ATM: variants seen among roughly 807,000 people sequenced by gnomAD.
ATM encodes the protein ATM serine/threonine kinase.
A neutral mutation model predicts 387.0 loss-of-function variants in ATM; 308 were observed. That is an observed-to-expected ratio of 0.80 (90% CI 0.73 to 0.87). ATM has a LOEUF of 0.87. ATM is among the 40% of genes least tolerant of loss of function. The probability of loss-of-function intolerance (pLI) is 0.00; values close to 1 mark genes in which losing one functional copy is unlikely to be tolerated. For missense variants in ATM, 3,312 were observed against 3,560.9 expected, an observed-to-expected ratio of 0.93 and a Z score of 1.78; for synonymous variants, 1,156 against 1,187.3, an observed-to-expected ratio of 0.97 and a Z score of 0.54.
At chr11:108,240,450 G>A (rs1454261134) in intron 5 of ATM, among the ~76,000 whole-genome samples, 1 of 152,174 alleles carries the variant, frequency 6.6e-6, no homozygotes. Context: ...ACATCATTAG[G>A]CAATTTCTTT....
intron 60 of ATM, among the ~76,000 whole-genome samples, 190 bp downstream of exon 60, chr11:108,354,070 AAC>A (rs71047689): frequency 0.019 from 2,161 of 114,856 alleles, 32 homozygotes; most frequent in African/African-American, 0.046. Context: ...CACACACACA[AAC>A]ACACACACAC....
In ATM at chr11:108,247,132, A is replaced by T. The variant is rs1204741025; in HGVS notation, c.1065+5A>T. 6.2e-7 allele frequency: 1 copy of T among 1,613,660 alleles called. No individual in the cohort carries two copies. The highest frequency in any genetic ancestry group is 8.5e-7 in the Non-Finnish European group (1 of 1,179,772). On this transcript the variant is annotated splice_donor_5th_base_variant and intron_variant, in intron 8 of 62. Coordinates refer to ENST00000675843, the MANE Select transcript of ATM (RefSeq NM_000051.4). The stretch of plus-strand genomic sequence containing the variant: ...ATGGCAGATATCTGTCACCAGGTAC[A>T]GTAAGTAGGTCATGTCACATTTAGA...
chr11:108,360,564 C>T (rs1388814441), intron 61 of ATM, among the ~76,000 whole-genome samples: 18 of 141,444 alleles, frequency 1.3e-4, no homozygotes, highest in African/African-American at 3.2e-4. Flanking sequence ...ACTGGCAAAA[C>T]GAATCCAGCA....
chr11:108,327,169 C>G (rs1404539674), intron 47 of ATM, among the ~76,000 whole-genome samples: 1 of 152,152 alleles, frequency 6.6e-6, no homozygotes, highest in Non-Finnish European at 1.5e-5. Flanking sequence ...TGTATAGCAT[C>G]TTCTGTTATT....
chr11:108,295,158 C>G (rs2083054102), intron 32 of ATM, 99 bp downstream of exon 32: 21 of 1,478,504 alleles, frequency 1.4e-5, no homozygotes, highest in Non-Finnish European at 2.0e-5. Flanking sequence ...AGACTTAGTT[C>G]AGACTCTCAT....
intron 45 of ATM, among the ~76,000 whole-genome samples, chr11:108,324,287 A>G (rs1254315426): frequency 1.3e-5 from 2 of 152,190 alleles, no homozygotes; most frequent in African/African-American, 2.4e-5. Flanking sequence ...TTTGAACATC[A>G]GCATTATCAA....
rs143907994 is a variant in ATM at position 108,347,989 on chromosome 11, T to C, written c.8671+624T>C. Among the ~76,000 whole-genome samples, 240 of 152,258 alleles carry C rather than the reference T, an allele frequency of 1.6e-3. 2 individuals carry two copies. The highest frequency in any genetic ancestry group is 2.1e-3 in the Non-Finnish European group (144 of 68,000). On this transcript the variant is annotated intron_variant, in intron 59 of 62. Coordinates refer to ENST00000675843, the MANE Select transcript of ATM (RefSeq NM_000051.4). ...TACTAAAGTTGTAGAAACCAGAATA[T>C]TGGATTTGAGGGACATTTTTGTAGT...
Position 108,359,317 on chromosome 11 carries a change from A to G in ATM, c.8850+4443A>G, listed in dbSNP as rs537969684. On this transcript the variant is annotated intron_variant, in intron 61 of 62. Coordinates refer to ENST00000675843, the MANE Select transcript of ATM (RefSeq NM_000051.4). ...AAAGCAAGTCCTGAGTGACCTACAA[A>G]GAGACTTAGAATCCCACACATTAAT... Among the ~76,000 whole-genome samples, 467 of 152,124 alleles carry G rather than the reference A, an allele frequency of 3.1e-3. 1 individual carries two copies. The highest frequency in any genetic ancestry group is 0.011 in the African/African-American group (450 of 41,488).
At chr11:108,293,894 A>AAT (rs1220002313) in intron 31 of ATM, among the ~76,000 whole-genome samples, 3,734 of 83,486 alleles carry the variant, frequency 0.045, 127 homozygotes, top group Non-Finnish European at 0.065. Flanking sequence ...AAAAAAAAAA[A>AAT]ATATATATAT....
intron 53 of ATM, among the ~76,000 whole-genome samples, 182 bp downstream of exon 53, chr11:108,333,082 A>T (rs1410587164): frequency 2.0e-5 from 3 of 152,148 alleles, no homozygotes; most frequent in Non-Finnish European, 4.4e-5. Flanking sequence ...CTCTTAATAG[A>T]ACTGGTAATA....
intron 5 of ATM, among the ~76,000 whole-genome samples, chr11:108,238,034 C>G (rs2079380541): frequency 6.7e-6 from 1 of 150,242 alleles, no homozygotes; most frequent in African/African-American, 2.4e-5. Context: ...TCAAGCGATT[C>G]TCCTGCCTCA....
intron 45 of ATM, 85 bp downstream of exon 45, chr11:108,321,505 G>A (rs559704371): frequency 3.0e-5 from 48 of 1,582,142 alleles, no homozygotes; most frequent in African/African-American, 2.3e-4. Context: ...ACTATAGGCC[G>A]GGCACGGTGG....
chr11:108,259,101 CAT>C lies in ATM; in HGVS notation c.2466+29_2466+30del, dbSNP rs769196386. Reference sequence around the variant, plus strand: ...GTAAGTATGCTTCCTGTTTTGCTATCATATTTTGATTCTAATAGGCATAATTT... The same window carrying C: ...GTAAGTATGCTTCCTGTTTTGCTATCATTTTGATTCTAATAGGCATAATTT... On this transcript the variant is annotated intron_variant, in intron 16 of 62. Transcript: ENST00000675843. 10 of 1,579,176 alleles carry C rather than the reference CAT, an allele frequency of 6.3e-6. No homozygotes were observed. The East Asian group carries it at 1.6e-4, about 25-fold the overall frequency.
At chr11:108,359,304 G>C (rs376347466) in intron 61 of ATM, among the ~76,000 whole-genome samples, 1 of 151,640 alleles carries the variant, frequency 6.6e-6, no homozygotes, top group Non-Finnish European at 1.5e-5. Flanking sequence ...AGCAAGTCCT[G>C]AGTGACCTAC....
Position 108,331,904 on chromosome 11 carries a change from A to G in ATM, c.7655A>G (p.His2552Arg), listed in dbSNP as rs2086288728. Residue 2552 changes from histidine (H) to arginine (R), a missense_variant, in exon 52 of 63, where the codon CAC becomes CGC. His to Arg is a conservative substitution (Grantham distance 29). Transcript: ENST00000675843. ...CTAATCTCTAGAATTTCAATGGATCACCCCCATCACACTTTGTTTATTATA... is the reference window on the plus strand; with the variant it reads ...CTAATCTCTAGAATTTCAATGGATCGCCCCCATCACACTTTGTTTATTATA... ...NNLISRISMDHPHHTLFIILA... is the reference protein window; with the variant it reads ...NNLISRISMDRPHHTLFIILA... The G allele has an allele frequency of 6.2e-7, 1 of 1,613,748 alleles. No homozygotes were observed. Among genetic ancestry groups the G allele is most frequent in the African/African-American group, 1.3e-5 (1 of 74,904 alleles).
chr11:108,248,633 A>T (rs2079969326), intron 8 of ATM, among the ~76,000 whole-genome samples: 2 of 152,144 alleles, frequency 1.3e-5, no homozygotes. Context: ...TCACACCTGT[A>T]ATCCCAGCAC....
Position 108,292,620 on chromosome 11 carries a change from CCTT to C in ATM, c.4442_4444del (p.Ser1481del), listed in dbSNP as rs786202338. On this transcript the variant is annotated inframe_deletion and splice_region_variant, in exon 30 of 63. Transcript: ENST00000675843. ...TGTTTTTTTTTCTCCCTATATTAGG[CCTT>C]CTTGTATCATGGATGTGTCATTACG... 4 of 1,613,464 alleles carry C rather than the reference CCTT, an allele frequency of 2.5e-6. No homozygotes were observed. Among genetic ancestry groups the C allele is most frequent in the Admixed American group, 1.7e-5 (1 of 59,966 alleles).
intron 5 of ATM, among the ~76,000 whole-genome samples, chr11:108,240,324 CCTT>C (rs1392168999): frequency 6.6e-6 from 1 of 152,122 alleles, no homozygotes; most frequent in Non-Finnish European, 1.5e-5. Flanking sequence ...TTCATCTCTT[CCTT>C]CTTGTAAACT....
At chr11:108,345,602 C>A in intron 57 of ATM, 141 bp from the exon 58 acceptor site, 1 of 690,328 alleles carries the variant, frequency 1.4e-6, no homozygotes, top group Non-Finnish European at 2.3e-6. Flanking sequence ...CTTCCCTGTC[C>A]AGACTGTTAG....
Sources: gnomAD v4.1 joint callset for allele counts (sites outside exome capture counted in the v4.1 genomes callset) on GRCh38, gnomAD v4.1.1 for gene constraint, MANE v1.5 for transcripts, NCBI Gene and HGNC (gene_info 2026-07-23, HGNC 2026-07-21) for gene names.